Variants in B4GALT1 observed in about 807,000 individuals in gnomAD.
B4GALT1 encodes the protein N-acetyllactosamine synthase.
In B4GALT1, 16 loss-of-function variants were observed where a neutral mutation model predicts 34.9. The ratio of observed to expected loss-of-function variants is 0.46; its 90% CI spans 0.31 to 0.70. The LOEUF is 0.70. Ranked by LOEUF, B4GALT1 falls within the 30% of genes least tolerant of loss-of-function variation. The pLI, the probability that B4GALT1 is intolerant of heterozygous loss-of-function variation, is 0.05. For missense variants in B4GALT1, 445 were observed against 530.5 expected, an observed-to-expected ratio of 0.84 and a Z score of 1.58; for synonymous variants, 221 against 218.1, an observed-to-expected ratio of 1.01 and a Z score of -0.12.
At chr9:33,119,888 T>A (rs138927975) in intron 3 of B4GALT1, among the ~76,000 whole-genome samples, 204 of 152,206 alleles carry the variant, frequency 1.3e-3, no homozygotes, top group African/African-American at 4.7e-3. Flanking sequence ...TCCCAAATGC[T>A]AAAAACTGTT....
chr9:33,173,323 T>C, the B4GALT1 span, among the ~76,000 whole-genome samples: 1 of 151,288 alleles, frequency 6.6e-6, no homozygotes, highest in Non-Finnish European at 1.5e-5. Flanking sequence ...GAGAATCACT[T>C]GAACCTGGGA....
intron 2 of B4GALT1, among the ~76,000 whole-genome samples, chr9:33,105,120 G>A (rs533281998): frequency 1.3e-5 from 2 of 151,542 alleles, no homozygotes; most frequent in South Asian, 4.2e-4. Flanking sequence ...CACTGCGCCC[G>A]GCCTCCACAT....
At chr9:33,130,410 C>T (rs1264368103) in intron 2 of B4GALT1, among the ~76,000 whole-genome samples, 1 of 151,494 alleles carries the variant, frequency 6.6e-6, no homozygotes, top group Non-Finnish European at 1.5e-5. Flanking sequence ...TTGAAATCCA[C>T]GTCTCAGAGT....
chr9:33,174,895 TG>T, the B4GALT1 span, among the ~76,000 whole-genome samples: 1 of 136,914 alleles, frequency 7.3e-6, no homozygotes, highest in Non-Finnish European at 1.5e-5. Context: ...AGGTAGAGGT[TG>T]CAGTGAGCCA....
chr9:33,124,766 A>C (rs985113450), intron 2 of B4GALT1, among the ~76,000 whole-genome samples: 2 of 152,212 alleles, frequency 1.3e-5, no homozygotes, highest in Admixed American at 1.3e-4. Context: ...TGCCTTCTGT[A>C]GTGTTTGCTT....
At chr9:33,172,009 C>T (rs774054675), upstream of B4GALT1, among the ~76,000 whole-genome samples, 28 of 152,240 alleles carry the variant, frequency 1.8e-4, no homozygotes, top group Admixed American at 9.2e-4. Flanking sequence ...CTAATTAAGA[C>T]TTCAGGTCCA....
chr9:33,135,890 AGT>A (rs112875696), intron 1 of B4GALT1, among the ~76,000 whole-genome samples: 8 of 104,156 alleles, frequency 7.7e-5, no homozygotes, highest in African/African-American at 2.7e-4. Flanking sequence ...TAACTGGGGA[AGT>A]GTGTGTGTGT....
intron 1 of B4GALT1, among the ~76,000 whole-genome samples, chr9:33,166,538 G>T (rs1840756924): frequency 6.6e-6 from 1 of 152,210 alleles, no homozygotes; most frequent in Non-Finnish European, 1.5e-5. Context: ...TTCCCTGTGC[G>T]GTCCCGGCCC....
the B4GALT1 span, among the ~76,000 whole-genome samples, chr9:33,184,196 A>C: frequency 2.0e-5 from 3 of 151,978 alleles, no homozygotes; most frequent in Non-Finnish European, 4.4e-5. Context: ...TATAAAAAAG[A>C]AAAAGAATTG....
downstream of B4GALT1, among the ~76,000 whole-genome samples, chr9:33,109,025 G>T (rs1340490889): frequency 6.6e-6 from 1 of 152,158 alleles, no homozygotes; most frequent in Admixed American, 6.5e-5. Flanking sequence ...CGGGTGATAG[G>T]AACGTCTTTT....
intron 2 of B4GALT1, among the ~76,000 whole-genome samples, chr9:33,127,853 G>A (rs948911244): frequency 2.6e-5 from 4 of 152,250 alleles, no homozygotes; most frequent in African/African-American, 9.6e-5. Context: ...TAAACTCTCA[G>A]ACCCTGTATG....
At chr9:33,152,123 A>G (rs1840525367) in intron 1 of B4GALT1, among the ~76,000 whole-genome samples, 1 of 151,914 alleles carries the variant, frequency 6.6e-6, no homozygotes, top group South Asian at 2.1e-4. Context: ...TGACCTACAT[A>G]GTGAAACCCC....
At chr9:33,158,434 A>G (rs927176432) in intron 1 of B4GALT1, among the ~76,000 whole-genome samples, 4 of 152,034 alleles carry the variant, frequency 2.6e-5, no homozygotes, top group Non-Finnish European at 5.9e-5. Flanking sequence ...TAACAGTCCA[A>G]ACTGCACCAC....
downstream of B4GALT1, among the ~76,000 whole-genome samples, chr9:33,105,880 G>GT (rs35330697): frequency 0.037 from 3,154 of 85,680 alleles, 179 homozygotes; most frequent in African/African-American, 0.12. Flanking sequence ...GGACTCGTGG[G>GT]TTTTTTTTTT....
At chr9:33,175,621 A>G in the B4GALT1 span, among the ~76,000 whole-genome samples, 1 of 152,220 alleles carries the variant, frequency 6.6e-6, no homozygotes, top group Admixed American at 6.5e-5. Flanking sequence ...TATATTTTAC[A>G]GTGTATTATT....
chr9:33,158,673 G>T (rs186066661), intron 1 of B4GALT1, among the ~76,000 whole-genome samples: 2 of 152,288 alleles, frequency 1.3e-5, no homozygotes, highest in African/African-American at 4.8e-5. Flanking sequence ...ACGTCTGGAA[G>T]AGAGGTCCTT....
chr9:33,115,862 C>A (rs1431714776), intron 4 of B4GALT1, 129 bp downstream of exon 4: 8 of 1,254,426 alleles, frequency 6.4e-6, no homozygotes, highest in Non-Finnish European at 8.0e-6. Context: ...GAAGCCACAC[C>A]TAAGAATGTG....
chr9:33,125,610 TC>T (rs1480078493), intron 2 of B4GALT1, among the ~76,000 whole-genome samples: 1 of 152,018 alleles, frequency 6.6e-6, no homozygotes, highest in Non-Finnish European at 1.5e-5. Flanking sequence ...CCCCACCTGC[TC>T]CCTGTGTATG....
chr9:33,181,323 C>G, the B4GALT1 span, among the ~76,000 whole-genome samples: 1 of 151,786 alleles, frequency 6.6e-6, no homozygotes. Context: ...ACTCATGAGG[C>G]TGAGGTGAGA....
Sources: allele counts gnomAD v4.1 joint callset (sites outside exome capture counted in the v4.1 genomes callset), GRCh38; gene constraint gnomAD v4.1.1; transcripts MANE v1.5; gene names NCBI Gene and HGNC (gene_info 2026-07-23, HGNC 2026-07-21).